CDC42SE2: variants seen among roughly 807,000 people sequenced by gnomAD.
CDC42SE2 encodes the protein CDC42 small effector protein 2.
Under a neutral mutation model 11.5 loss-of-function variants are expected in CDC42SE2, and 3 were observed. That is an observed-to-expected ratio of 0.26 (90% CI 0.12 to 0.67). The LOEUF (loss-of-function observed/expected upper bound fraction) is 0.67. Among genes scored for constraint, CDC42SE2 ranks in the 30% least tolerant of loss-of-function variants. CDC42SE2 has a pLI of 0.80. For missense variants in CDC42SE2, 82 were observed against 106.8 expected, an observed-to-expected ratio of 0.77 and a Z score of 1.02; for synonymous variants, 33 against 34.8, an observed-to-expected ratio of 0.95 and a Z score of 0.18.
intron 2 of CDC42SE2, among the ~76,000 whole-genome samples, chr5:131,355,322 C>G (rs908230254): frequency 6.6e-6 from 1 of 151,710 alleles, no homozygotes; most frequent in Admixed American, 6.6e-5. Context: ...ATAAAAAGTT[C>G]AAAAGTTAGC....
chr5:131,272,235 G>A (rs1236068083), intron 1 of CDC42SE2, among the ~76,000 whole-genome samples: 4 of 151,582 alleles, frequency 2.6e-5, no homozygotes, highest in East Asian at 3.9e-4. Context: ...GGCTGGTCTC[G>A]AACTCTCACT....
At chr5:131,384,339 C>T (rs1750411164) in intron 3 of CDC42SE2, among the ~76,000 whole-genome samples, 1 of 152,154 alleles carries the variant, frequency 6.6e-6, no homozygotes. Context: ...GAGGAGCTGT[C>T]ATATGGGACT....
At chr5:131,328,711 T>C (rs902819494) in intron 2 of CDC42SE2, among the ~76,000 whole-genome samples, 3 of 152,240 alleles carry the variant, frequency 2.0e-5, no homozygotes, top group African/African-American at 7.2e-5. Context: ...GTTTATGTTA[T>C]AGATGTGTCT....
At chr5:131,363,685 T>C (rs1377832085) in intron 3 of CDC42SE2, among the ~76,000 whole-genome samples, 3 of 149,600 alleles carry the variant, frequency 2.0e-5, no homozygotes, top group African/African-American at 2.5e-5. Flanking sequence ...CCTTTTTTTT[T>C]TCTCTTACTC....
intron 1 of CDC42SE2, among the ~76,000 whole-genome samples, chr5:131,250,481 T>C (rs887109768): frequency 3.3e-5 from 5 of 152,128 alleles, no homozygotes; most frequent in Non-Finnish European, 7.3e-5. Context: ...AATCTGAAAA[T>C]CATATTGTTA....
intron 2 of CDC42SE2, among the ~76,000 whole-genome samples, chr5:131,344,390 C>A (rs1452948044): frequency 2.6e-5 from 4 of 152,196 alleles, no homozygotes; most frequent in African/African-American, 4.8e-5. Flanking sequence ...GCCCACGGAG[C>A]CTCGCTCACT....
At chr5:131,303,713 T>G (rs762316076) in intron 1 of CDC42SE2, among the ~76,000 whole-genome samples, 3 of 152,222 alleles carry the variant, frequency 2.0e-5, no homozygotes, top group Non-Finnish European at 4.4e-5. Flanking sequence ...AACAGAAAGA[T>G]GTACTAATAG....
intron 2 of CDC42SE2, among the ~76,000 whole-genome samples, chr5:131,340,687 CTTTT>C (rs34401592): frequency 6.8e-6 from 1 of 146,618 alleles, no homozygotes; most frequent in African/African-American, 2.5e-5. Context: ...GTTTGAGTAT[CTTTT>C]TTTTTTTTTC....
At chr5:131,319,614 C>T (rs904593596) in intron 2 of CDC42SE2, among the ~76,000 whole-genome samples, 1 of 151,968 alleles carries the variant, frequency 6.6e-6, no homozygotes, top group East Asian at 1.9e-4. Flanking sequence ...AACTGACCAT[C>T]GTAATTCAGT....
intron 3 of CDC42SE2, among the ~76,000 whole-genome samples, chr5:131,379,917 CTTT>C (rs1031678622): frequency 2.7e-5 from 4 of 150,002 alleles, no homozygotes; most frequent in African/African-American, 9.8e-5. Context: ...CATGACTATT[CTTT>C]TTTTTTCTTT....
the CDC42SE2 span, among the ~76,000 whole-genome samples, chr5:131,214,485 T>C: frequency 6.6e-6 from 1 of 151,980 alleles, no homozygotes; most frequent in Non-Finnish European, 1.5e-5. Flanking sequence ...AACTGCTCTA[T>C]GTAGCCTTTT....
chr5:131,285,123 GA>G lies in CDC42SE2; in HGVS notation c.-455+20971del, dbSNP rs1018067896. Among the ~76,000 whole-genome samples the G allele has an allele frequency of 3.4e-3, 474 of 139,312 alleles. 2 individuals are homozygous for G. Among genetic ancestry groups the G allele is most frequent in the African/African-American group, 7.6e-3 (291 of 38,154 alleles). The allele number at this position is 139,312 out of a possible 152,430, so 91.4% of individuals were successfully genotyped here. A position where few individuals can be genotyped will look rare whatever the true frequency, so the allele number is the denominator to read the frequency against. On this transcript the variant is annotated intron_variant, in intron 1 of 4. Transcript: ENST00000505065. ...GACAACATAAAAAAACCCTGTCTCT[GA>G]AAAAAAAAAAAAATTGCCTGGTGAG...
At chr5:131,220,203 A>C in the CDC42SE2 span, among the ~76,000 whole-genome samples, 541 of 152,128 alleles carry the variant, frequency 3.6e-3, 4 homozygotes, top group African/African-American at 0.013. Flanking sequence ...CCTTTATCTC[A>C]GATTTTTGTT....
At chr5:131,238,293 C>T in the CDC42SE2 span, among the ~76,000 whole-genome samples, 1 of 151,802 alleles carries the variant, frequency 6.6e-6, no homozygotes, top group South Asian at 2.1e-4. Flanking sequence ...GTCAGGAGAT[C>T]GAGACCATCC....
chr5:131,377,213 G>A (rs1400711359), intron 3 of CDC42SE2, among the ~76,000 whole-genome samples: 1 of 140,962 alleles, frequency 7.1e-6, no homozygotes, highest in Non-Finnish European at 1.5e-5. Flanking sequence ...TCTCTCTGTT[G>A]CCCAGGCTGG....
At chr5:131,325,859 T>G (rs1758289003) in intron 2 of CDC42SE2, among the ~76,000 whole-genome samples, 1 of 152,192 alleles carries the variant, frequency 6.6e-6, no homozygotes, top group Non-Finnish European at 1.5e-5. Context: ...CTTCTTCTAT[T>G]GTATTTGTAG....
intron 2 of CDC42SE2, among the ~76,000 whole-genome samples, chr5:131,339,246 GAAAAAAA>G (rs34594352): frequency 2.1e-4 from 6 of 28,226 alleles, no homozygotes; most frequent in Non-Finnish European, 3.0e-4. Flanking sequence ...GACTCTGTCT[GAAAAAAA>G]AAAAAAAAAA....
chr5:131,306,888 GA>G (rs1319075868), intron 1 of CDC42SE2, among the ~76,000 whole-genome samples: 1 of 151,836 alleles, frequency 6.6e-6, no homozygotes, highest in Non-Finnish European at 1.5e-5. Context: ...TTTTTTTCCA[GA>G]TTATTAGTTG....
chr5:131,337,185 C>T (rs1758589473), intron 2 of CDC42SE2, among the ~76,000 whole-genome samples: 1 of 152,156 alleles, frequency 6.6e-6, no homozygotes, highest in Admixed American at 6.5e-5. Context: ...TTCCTTCTAA[C>T]AGTCAGGACC....
Sources: gnomAD v4.1 joint callset for allele counts (sites outside exome capture counted in the v4.1 genomes callset) on GRCh38, gnomAD v4.1.1 for gene constraint, MANE v1.5 for transcripts, NCBI Gene and HGNC (gene_info 2026-07-23, HGNC 2026-07-21) for gene names.